The following RBP7 variants were observed in gnomAD, a reference collection of about 807,000 sequenced individuals.
The protein encoded by RBP7 is retinoid-binding protein 7.
RBP7 carries 13 observed loss-of-function variants against 16.7 expected under a neutral mutation model. The ratio of observed to expected loss-of-function variants is 0.78; its 90% CI spans 0.51 to 1.24. The LOEUF (loss-of-function observed/expected upper bound fraction) is 1.24, where lower values mean the gene tolerates loss of function less well. RBP7 is among the 50% of genes most tolerant of loss of function. The pLI is 0.00. For missense variants in RBP7, 145 were observed against 159.5 expected (o/e 0.91, Z 0.49); for synonymous variants, 54 against 56.2 (o/e 0.96, Z 0.17).
chr1:10,005,383 A>C (rs1642411296), intron 1 of RBP7, among the ~76,000 whole-genome samples: 1 of 150,968 alleles, frequency 6.6e-6, no homozygotes, highest in Non-Finnish European at 1.5e-5. Flanking sequence ...TTATTTTTTT[A>C]TAGAAATGGG....
At chr1:10,005,623 G>T in intron 1 of RBP7, among the ~76,000 whole-genome samples, 1 of 150,946 alleles carries the variant, frequency 6.6e-6, no homozygotes, top group African/African-American at 2.4e-5. Flanking sequence ...GAGTGCAGTC[G>T]CACGATCTCG....
intron 1 of RBP7, among the ~76,000 whole-genome samples, chr1:10,005,011 G>A (rs1296222029): frequency 6.6e-6 from 1 of 151,910 alleles, no homozygotes; most frequent in Non-Finnish European, 1.5e-5. Flanking sequence ...AATAATAATA[G>A]GAAGTGATTT....
intron 3 of RBP7, among the ~76,000 whole-genome samples, chr1:10,008,641 A>G (rs1217806093): frequency 6.7e-6 from 1 of 150,276 alleles, no homozygotes; most frequent in Non-Finnish European, 1.5e-5. Context: ...GGGTTTCACC[A>G]TGTTGGCCAG....
intron 3 of RBP7, among the ~76,000 whole-genome samples, chr1:10,009,956 T>C (rs778331508): frequency 1.3e-5 from 2 of 152,188 alleles, no homozygotes; most frequent in Non-Finnish European, 2.9e-5. Flanking sequence ...GTATACTTTA[T>C]GTACCAAAAA....
chr1:10,007,058 T>A (rs187160965), intron 1 of RBP7: 15 of 371,408 alleles, frequency 4.0e-5, no homozygotes, highest in Admixed American at 2.5e-4. Flanking sequence ...GCAATTCTCC[T>A]ACTTCAGCCT....
intron 3 of RBP7, among the ~76,000 whole-genome samples, chr1:10,008,588 G>A (rs887529653): frequency 2.0e-5 from 3 of 151,182 alleles, no homozygotes; most frequent in South Asian, 2.1e-4. Context: ...CTACAGGCAC[G>A]CACCACCACA....
intron 1 of RBP7, among the ~76,000 whole-genome samples, chr1:10,004,539 C>A (rs1642375536): frequency 6.6e-6 from 1 of 151,760 alleles, no homozygotes; most frequent in Non-Finnish European, 1.5e-5. Flanking sequence ...CCATGCCCGG[C>A]TAATTTTGTA....
intron 3 of RBP7, 52 bp from the exon 4 acceptor site, chr1:10,015,730 A>G: frequency 1.3e-6 from 2 of 1,501,364 alleles, no homozygotes; most frequent in South Asian, 1.1e-5. Flanking sequence ...GAGAGTAAAA[A>G]CAGACCACAT....
chr1:10,000,630 G>A (rs1308405979), intron 1 of RBP7, among the ~76,000 whole-genome samples: 1 of 152,026 alleles, frequency 6.6e-6, no homozygotes, highest in East Asian at 1.9e-4. Flanking sequence ...AAATTTATAT[G>A]CTTGTTCATG....
intron 1 of RBP7, among the ~76,000 whole-genome samples, chr1:10,004,997 AAATAAT>A (rs759863288): frequency 5.3e-5 from 8 of 152,058 alleles, no homozygotes; most frequent in African/African-American, 1.9e-4. Context: ...TGTCTCAAAA[AAATAAT>A]AATAATAGGA....
chr1:10,004,742 T>G (rs534591531), intron 1 of RBP7, among the ~76,000 whole-genome samples: 1 of 152,306 alleles, frequency 6.6e-6, no homozygotes, highest in South Asian at 2.1e-4. Context: ...TAATAGGGTT[T>G]AAGGAAAGTC....
chr1:10,013,160 C>A (rs936615284), intron 3 of RBP7, among the ~76,000 whole-genome samples: 6 of 150,364 alleles, frequency 4.0e-5, no homozygotes, highest in Admixed American at 1.3e-4. Flanking sequence ...GTAACCTCCT[C>A]CTCCTGGGTT....
intron 1 of RBP7, among the ~76,000 whole-genome samples, chr1:10,001,734 C>T (rs1642283099): frequency 6.6e-6 from 1 of 152,098 alleles, no homozygotes; most frequent in Non-Finnish European, 1.5e-5. Flanking sequence ...CTGTTATGAA[C>T]CCAAGAAGGT....
Position 9,997,407 on chromosome 1 carries a change from G to C in RBP7, c.73+76G>C, listed in dbSNP as rs1446101387. The C allele has an allele frequency of 2.8e-6, 4 of 1,427,702 alleles. No individual in the cohort carries two copies. The Admixed American group carries it at 7.0e-5, about 25-fold the overall frequency. The allele number at this position is 1,427,702 out of a possible 1,614,324, so 88.4% of individuals were successfully genotyped here. On this transcript the variant is annotated intron_variant, in intron 1 of 3. Transcript: ENST00000294435. This position sits in a 1 kb window ranked among gnomAD's most constrained non-coding sequence, Gnocchi z 5.9. ...GATCAGGCGAAGGCGGCCGGGCCGG[G>C]CCTGTAGGTACGTCCTCTGTCCGTG...
chr1:10,014,379 C>CT (rs1034325299), intron 3 of RBP7, among the ~76,000 whole-genome samples: 1 of 150,710 alleles, frequency 6.6e-6, no homozygotes, highest in Non-Finnish European at 1.5e-5. Flanking sequence ...CTTTTCTTTT[C>CT]TTTCTTTTTT....
rs988201208 is a variant in RBP7, at chr1:9,997,982, C to A, written c.73+651C>A. On this transcript the variant is annotated intron_variant, in intron 1 of 3. Transcript: ENST00000294435. The surrounding 1 kb of genome is among the most constrained non-coding windows in gnomAD (Gnocchi z 5.9). Reference sequence around the variant, plus strand: ...CCGCCTCCCACGAGGGCTGGGTGCCCGCGGCGTTCTTGCTCCCGGGGGCCC... The same window carrying A: ...CCGCCTCCCACGAGGGCTGGGTGCCAGCGGCGTTCTTGCTCCCGGGGGCCC... 2.6e-5 allele frequency among the ~76,000 whole-genome samples: 4 copies of A among 152,140 alleles called. No homozygotes were observed. The highest frequency in any genetic ancestry group is 7.2e-5 in the African/African-American group (3 of 41,444).
intron 3 of RBP7, 147 bp downstream of exon 3, chr1:10,008,421 A>C: frequency 2.1e-6 from 1 of 481,750 alleles, no homozygotes; most frequent in Non-Finnish European, 3.7e-6. Flanking sequence ...CCTGGCCAAC[A>C]TGGTGAAACC....
chr1:10,008,026 C>T, intron 2 of RBP7, 147 bp from the exon 3 acceptor site: 1 of 621,370 alleles, frequency 1.6e-6, no homozygotes, highest in Non-Finnish European at 2.8e-6. Context: ...TGCACTCCAG[C>T]CTGGGTGACA....
Position 9,997,400 on chromosome 1 carries a change from G to C in RBP7, c.73+69G>C. ...GTCTCGGGATCAGGCGAAGGCGGCC[G>C]GGCCGGGCCTGTAGGTACGTCCTCT... On this transcript the variant is annotated intron_variant, in intron 1 of 3. Coordinates refer to ENST00000294435, the MANE Select transcript of RBP7 (RefSeq NM_052960.3). The surrounding 1 kb of genome is among the most constrained non-coding windows in gnomAD (Gnocchi z 5.9). The C allele has an allele frequency of 6.7e-7, 1 of 1,488,186 alleles. No individual in the cohort carries two copies. Among genetic ancestry groups the C allele is most frequent in the African/African-American group, 1.4e-5 (1 of 71,546 alleles). The allele number at this position is 1,488,186 out of a possible 1,614,324, so 92.2% of individuals were successfully genotyped here.
Sources: gnomAD v4.1 joint callset for allele counts (sites outside exome capture counted in the v4.1 genomes callset) on GRCh38, gnomAD v4.1.1 for gene constraint, Gnocchi (gnomAD v3.1) non-coding constraint, MANE v1.5 for transcripts, NCBI Gene and HGNC (gene_info 2026-07-23, HGNC 2026-07-21) for gene names.